The following THADA variants were observed in gnomAD, a reference collection of about 807,000 sequenced individuals.
THADA encodes the protein THADA armadillo repeat containing.
In THADA, 213 loss-of-function variants were observed where a neutral mutation model predicts 219.8. That is an observed-to-expected ratio of 0.97 (90% CI 0.87 to 1.09). THADA has a LOEUF of 1.09. Among genes scored for constraint, THADA ranks in the 50% least tolerant of loss-of-function variants. THADA has a pLI of 0.00. For missense variants in THADA, 2,956 were observed against 2,311.3 expected (o/e 1.28, Z -5.72); for synonymous variants, 1,018 against 828.9 (o/e 1.23, Z -3.92).
chr2:43,331,796 A>G (rs1665802902), intron 30 of THADA, among the ~76,000 whole-genome samples: 2 of 152,176 alleles, frequency 1.3e-5, no homozygotes, highest in South Asian at 4.1e-4. Context: ...ATCTTAGTCC[A>G]CATTCTTTTC....
intron 25 of THADA, 21 bp from the exon 26 acceptor site, chr2:43,485,346 CA>C: frequency 1.9e-6 from 3 of 1,549,408 alleles, no homozygotes; most frequent in Non-Finnish European, 2.7e-6. Flanking sequence ...AACGAAAACA[CA>C]ATAAGGCTTA....
chr2:43,590,824 C>G lies in THADA; in HGVS notation c.302G>C (p.Ser101Thr). Reference protein sequence around the residue: ...LKNPLKKVLASSLNSLPDFFL... With the variant: ...LKNPLKKVLATSLNSLPDFFL... ...CAACTTCCCTTCCTTTTTTTCTTACCTTGCCAATACTTTCTTCAAGGGATT... is the reference window on the plus strand; with the variant it reads ...CAACTTCCCTTCCTTTTTTTCTTACGTTGCCAATACTTTCTTCAAGGGATT... Residue 101 changes from serine (S) to threonine (T), a missense_variant and splice_region_variant, in exon 4 of 38, where the codon AGC becomes ACC. Transcript: ENST00000405975. The G allele has an allele frequency of 6.2e-7, 1 of 1,604,840 alleles. No individual in the cohort carries two copies. The highest frequency in any genetic ancestry group is 1.3e-5 in the African/African-American group (1 of 74,242).
intron 29 of THADA, among the ~76,000 whole-genome samples, chr2:43,380,168 C>A (rs756962427): frequency 6.6e-6 from 1 of 152,082 alleles, no homozygotes; most frequent in Non-Finnish European, 1.5e-5. Flanking sequence ...GTTTAATGTA[C>A]GCAAATGTTT....
At chr2:43,326,532 C>A (rs1679357024) in intron 30 of THADA, among the ~76,000 whole-genome samples, 1 of 152,116 alleles carries the variant, frequency 6.6e-6, no homozygotes, top group African/African-American at 2.4e-5. Flanking sequence ...CAAAGAAGTA[C>A]CTCCTAACTC....
chr2:43,428,994 A>G (rs552869875), intron 27 of THADA, among the ~76,000 whole-genome samples: 3 of 152,380 alleles, frequency 2.0e-5, no homozygotes, highest in African/African-American at 7.2e-5. Context: ...TTTTCTAATT[A>G]TAAACAATTA....
intron 25 of THADA, among the ~76,000 whole-genome samples, chr2:43,497,290 T>C (rs1456570915): frequency 6.6e-6 from 1 of 152,162 alleles, no homozygotes; most frequent in Non-Finnish European, 1.5e-5. Context: ...CCAAACCAAA[T>C]GCCCATCAAT....
At chr2:43,312,562 C>T (rs142128357) in intron 31 of THADA, among the ~76,000 whole-genome samples, 2,557 of 152,234 alleles carry the variant, frequency 0.017, 35 homozygotes, top group Non-Finnish European at 0.029. Flanking sequence ...ATAACATACC[C>T]TATATTATTC....
chr2:43,295,338 T>C (rs752500295), intron 31 of THADA, among the ~76,000 whole-genome samples: 2 of 152,254 alleles, frequency 1.3e-5, no homozygotes. Flanking sequence ...GGCTCCCTGC[T>C]GGCCCTTGCC....
intron 37 of THADA, among the ~76,000 whole-genome samples, chr2:43,231,901 G>C (rs1186176107): frequency 2.6e-5 from 4 of 152,202 alleles, no homozygotes; most frequent in African/African-American, 4.8e-5. Flanking sequence ...AAGAAGGCCA[G>C]CTGAGTCAGA....
intron 31 of THADA, 66 bp downstream of exon 31, chr2:43,320,380 C>G: frequency 7.8e-7 from 1 of 1,275,054 alleles, no homozygotes; most frequent in African/African-American, 1.5e-5. Flanking sequence ...CAGAGCCACT[C>G]AAAACGCCAT....
At chr2:43,248,499 T>C (rs1286038755) in intron 36 of THADA, among the ~76,000 whole-genome samples, 1 of 152,076 alleles carries the variant, frequency 6.6e-6, no homozygotes, top group Non-Finnish European at 1.5e-5. Flanking sequence ...CCCAAAGTGC[T>C]GGGATTATAG....
In THADA at chr2:43,292,987, T is replaced by C. The variant is rs752685409; in HGVS notation, c.4665A>G (p.Glu1555=). ...FSQLLESAFP[E]VRSLTLEALL... is the part of the protein sequence containing the mutation. ...GGGCTTCCAGTGTTAGTGAGCGCACTTCAGGGAAGGCAGATTCTAACAGCT... is the reference window on the plus strand; with the variant it reads ...GGGCTTCCAGTGTTAGTGAGCGCACCTCAGGGAAGGCAGATTCTAACAGCT... Residue 1555 remains glutamate, a synonymous_variant, in exon 32 of 38, where the codon GAA becomes GAG. Coordinates refer to ENST00000405975, the MANE Select transcript of THADA (RefSeq NM_022065.5). 5 of 1,613,916 alleles carry C rather than the reference T, an allele frequency of 3.1e-6. No homozygotes were observed. In the Admixed American group the frequency reaches 8.3e-5, roughly 27 times the overall value.
chr2:43,312,208 C>CAA lies in THADA; in HGVS notation c.4438+8236_4438+8237dup, dbSNP rs35043804. 5.2e-3 allele frequency among the ~76,000 whole-genome samples: 612 copies of CAA among 117,856 alleles called. 4 individuals are homozygous for CAA. The highest frequency in any genetic ancestry group is 0.024 in the Admixed American group (267 of 10,944). 77.3% of individuals were successfully genotyped at this position (117,856 alleles called of 152,430 possible). A position where few individuals can be genotyped will look rare whatever the true frequency, so the allele number is the denominator to read the frequency against. ...CACTCCAGCCTGGGTGACAAAGCTG[C>CAA]AAAAAAAAAAAAAAAAGAAATCACA... is the stretch of plus-strand genomic sequence containing the variant. On this transcript the variant is annotated intron_variant, in intron 31 of 37. Transcript: ENST00000405975.
intron 26 of THADA, among the ~76,000 whole-genome samples, chr2:43,449,842 G>T (rs1354291955): frequency 6.6e-6 from 1 of 152,190 alleles, no homozygotes; most frequent in Non-Finnish European, 1.5e-5. Context: ...ATAAACTTTG[G>T]AGGCTAGAAG....
chr2:43,246,493 C>T (rs1304034567), intron 36 of THADA, among the ~76,000 whole-genome samples: 2 of 150,644 alleles, frequency 1.3e-5, no homozygotes, highest in African/African-American at 4.9e-5. Context: ...GGACTCGTCT[C>T]AAAAACAAAC....
intron 20 of THADA, among the ~76,000 whole-genome samples, chr2:43,544,582 G>A (rs1173479855): frequency 6.6e-6 from 1 of 151,556 alleles, no homozygotes; most frequent in African/African-American, 2.4e-5. Flanking sequence ...CCTTGAAGAG[G>A]TCCTTCACGT....
intron 36 of THADA, among the ~76,000 whole-genome samples, chr2:43,235,251 A>G (rs752623000): frequency 1.1e-4 from 17 of 151,384 alleles, no homozygotes; most frequent in Non-Finnish European, 2.2e-4. Flanking sequence ...ATGCGCTGGG[A>G]TTACAGGCAT....
At chr2:43,428,004 A>G in intron 28 of THADA, 96 bp downstream of exon 28, 2 of 498,672 alleles carry the variant, frequency 4.0e-6, no homozygotes, top group Non-Finnish European at 5.5e-6. Context: ...AATATATATG[A>G]TATATATAAA....
chr2:43,549,554 T>A (rs1416870279), intron 19 of THADA, among the ~76,000 whole-genome samples, 186 bp from the exon 20 acceptor site: 1 of 152,208 alleles, frequency 6.6e-6, no homozygotes, highest in Non-Finnish European at 1.5e-5. Context: ...AGTGCATTTT[T>A]AAAATATGGC....
Sources: allele counts gnomAD v4.1 joint callset (sites outside exome capture counted in the v4.1 genomes callset), GRCh38; gene constraint gnomAD v4.1.1; transcripts MANE v1.5; gene names NCBI Gene and HGNC (gene_info 2026-07-23, HGNC 2026-07-21).